SLC6A17: variants seen among roughly 807,000 people sequenced by gnomAD.
SLC6A17 encodes sodium-dependent neutral amino acid transporter SLC6A17.
Under a neutral mutation model 64.5 loss-of-function variants are expected in SLC6A17, and 21 were observed. That is an observed-to-expected ratio of 0.33 (90% CI 0.23 to 0.47). The LOEUF (loss-of-function observed/expected upper bound fraction) is 0.47. Ranked by LOEUF, SLC6A17 falls within the 20% of genes least tolerant of loss-of-function variation. The pLI, the probability that SLC6A17 is intolerant of heterozygous loss-of-function variation, is 1.00. For synonymous variants in SLC6A17, 372 were observed against 399.5 expected (o/e 0.93, Z 0.82); for missense variants, 682 against 963.2 (o/e 0.71, Z 3.86).
At chr1:110,191,646 A>G (rs1272751000) in intron 6 of SLC6A17, among the ~76,000 whole-genome samples, 2 of 152,208 alleles carry the variant, frequency 1.3e-5, no homozygotes, top group Admixed American at 6.5e-5. Flanking sequence ...CTACATGACC[A>G]TATGTGATGG....
rs1265178811 is a variant in SLC6A17 at position 110,198,348 on chromosome 1, G to A, written c.2088G>A (p.Gly696=). The change falls in exon 12 of 12, where the codon GGG becomes GGA. Residue 696 remains glycine, a synonymous_variant. Coordinates refer to ENST00000331565, the MANE Select transcript of SLC6A17 (RefSeq NM_001010898.4). The part of the protein sequence containing the change: ...SPMPTHRSYL[G]PGSTSPLETS... ...TGCCCACTCACCGTTCCTATCTGGG[G>A]CCCGGCAGCACATCACCCCTGGAGA... 1.9e-6 allele frequency: 3 copies of A among 1,614,010 alleles called. No individual in the cohort carries two copies. Among genetic ancestry groups the A allele is most frequent in the Non-Finnish European group, 2.5e-6 (3 of 1,180,024 alleles).
intron 3 of SLC6A17, 111 bp downstream of exon 3, chr1:110,172,328 AG>A: frequency 7.5e-7 from 1 of 1,326,474 alleles, no homozygotes; most frequent in Non-Finnish European, 1.0e-6. Flanking sequence ...GGACAAGGGC[AG>A]GGAGGGGGAT....
At chr1:110,197,713 G>A (rs1657008971) in intron 11 of SLC6A17, 114 bp downstream of exon 11, 1 of 1,253,498 alleles carries the variant, frequency 8.0e-7, no homozygotes, top group African/African-American at 1.5e-5. Context: ...GGCCTTGCCA[G>A]GTGCCTCACA....
In SLC6A17 at chr1:110,201,514, T is replaced by G. The variant is rs1657127157; in HGVS notation, c.*3070T>G. On this transcript the variant is annotated 3_prime_UTR_variant, in exon 12 of 12. Transcript: ENST00000331565. The stretch of plus-strand genomic sequence containing the variant: ...CCCTCCAGCCCCATCACCAGCTTCT[T>G]GCTCAGGGAGACTTCCGCCCTCCTC... 1 of 152,290 alleles carries G rather than the reference T, an allele frequency of 6.6e-6. No individual in the cohort carries two copies. 9.4% of individuals were successfully genotyped at this position (152,290 alleles called of 1,614,324 possible).
chr1:110,173,894 T>TAATA, intron 3 of SLC6A17, 79 bp from the exon 4 acceptor site: 1 of 1,508,864 alleles, frequency 6.6e-7, no homozygotes, highest in Non-Finnish European at 8.9e-7. Flanking sequence ...GCTGCCGACG[T>TAATA]GCTGGGCCTC....
chr1:110,190,523 G>C (rs1571000324), intron 6 of SLC6A17, among the ~76,000 whole-genome samples: 2 of 152,216 alleles, frequency 1.3e-5, no homozygotes, highest in Non-Finnish European at 2.9e-5. Context: ...GATGATGGCA[G>C]GTGGGCCCTG....
Position 110,198,480 on chromosome 1 carries a change from C to T in SLC6A17, c.*36C>T, listed in dbSNP as rs1657033492. ...AGCCCTGCCCGCCTCTCCCCCCACGCTCAACCTGCCCACTTGTCCAGGCCT... is the reference window on the plus strand; with the variant it reads ...AGCCCTGCCCGCCTCTCCCCCCACGTTCAACCTGCCCACTTGTCCAGGCCT... On this transcript the variant is annotated 3_prime_UTR_variant, in exon 12 of 12. Transcript: ENST00000331565. The T allele has an allele frequency of 4.4e-6, 7 of 1,574,458 alleles. No individual in the cohort carries two copies. The highest frequency in any genetic ancestry group is 1.7e-4 in the Middle Eastern group (1 of 5,772).
rs1204936114 is a variant in SLC6A17 at position 110,200,736 on chromosome 1, G to A, written c.*2292G>A. On this transcript the variant is annotated 3_prime_UTR_variant, in exon 12 of 12. Coordinates refer to ENST00000331565, the MANE Select transcript of SLC6A17 (RefSeq NM_001010898.4). ...AGTGCTCGTTGTAGCCTTTTGCTGT[G>A]TCTTCGCTGTGTGTTAGACGTAGGG... The A allele has an allele frequency of 1.3e-5, 2 of 152,510 alleles. No homozygotes were observed. Among genetic ancestry groups the A allele is most frequent in the African/African-American group, 4.8e-5 (2 of 41,446 alleles). The allele number at this position is 152,510 out of a possible 1,614,324, so 9.4% of individuals were successfully genotyped here. A position where few individuals can be genotyped will look rare whatever the true frequency, so the allele number is the denominator to read the frequency against.
intron 1 of SLC6A17, among the ~76,000 whole-genome samples, chr1:110,154,384 C>A (rs1371759231): frequency 6.6e-6 from 1 of 152,204 alleles, no homozygotes; most frequent in East Asian, 1.9e-4. Context: ...TAAATGCTGA[C>A]AACCTAGGCA....
At chr1:110,162,686 T>G (rs1655946359) in intron 1 of SLC6A17, among the ~76,000 whole-genome samples, 1 of 152,188 alleles carries the variant, frequency 6.6e-6, no homozygotes, top group Non-Finnish European at 1.5e-5. Flanking sequence ...AAGCTCACCT[T>G]TCACCAGCAC....
chr1:110,178,031 C>T (rs1447571618), intron 6 of SLC6A17: 2 of 151,942 alleles, frequency 1.3e-5, no homozygotes, highest in Non-Finnish European at 2.9e-5. Context: ...TGTGGCTGGC[C>T]GTAGGGTTGT....
rs1216073483 is a variant in SLC6A17, at chr1:110,173,837, C to G, written c.445-136C>G. ...AGGGGAGCTCCTCCACGGCCCGCAC[C>G]CTATCCCTCCTTGCCTCTCTTGAGG... is the stretch of plus-strand genomic sequence containing the variant. On this transcript the variant is annotated intron_variant, in intron 3 of 11. Transcript: ENST00000331565. 45 of 1,320,874 alleles carry G rather than the reference C, an allele frequency of 3.4e-5. No individual in the cohort carries two copies. In the Admixed American group the frequency reaches 3.7e-4, roughly 11 times the overall value. The allele number at this position is 1,320,874 out of a possible 1,614,324, so 81.8% of individuals were successfully genotyped here. A position where few individuals can be genotyped will look rare whatever the true frequency, so the allele number is the denominator to read the frequency against.
At chr1:110,176,016 G>T (rs574604103) in intron 5 of SLC6A17, among the ~76,000 whole-genome samples, 2 of 152,302 alleles carry the variant, frequency 1.3e-5, no homozygotes, top group East Asian at 3.9e-4. Flanking sequence ...CATTCTCTTA[G>T]CCTTTACACC....
chr1:110,184,478 A>C (rs2100939809), intron 6 of SLC6A17, among the ~76,000 whole-genome samples: 1 of 152,134 alleles, frequency 6.6e-6, no homozygotes, highest in Non-Finnish European at 1.5e-5. Flanking sequence ...GCATATATAA[A>C]CCCATTTAAA....
chr1:110,195,544 C>T (rs1025310940), intron 9 of SLC6A17, 42 bp from the exon 10 acceptor site: 1 of 1,610,106 alleles, frequency 6.2e-7, no homozygotes, highest in Non-Finnish European at 8.5e-7. Context: ...CCCTGCCCAC[C>T]CTGCACCTTT....
intron 6 of SLC6A17, among the ~76,000 whole-genome samples, chr1:110,183,951 C>T (rs1412265843): frequency 6.6e-6 from 1 of 151,802 alleles, no homozygotes; most frequent in Non-Finnish European, 1.5e-5. Context: ...CACGAAGGGC[C>T]CCCTGGAGGC....
intron 2 of SLC6A17, among the ~76,000 whole-genome samples, chr1:110,167,597 G>T (rs575681829): frequency 6.6e-6 from 1 of 152,162 alleles, no homozygotes; most frequent in African/African-American, 2.4e-5. Flanking sequence ...CACGCTACCT[G>T]ACACGGTAAG....
rs762167364 is a variant in SLC6A17, at chr1:110,200,786, C to T, written c.*2342C>T. On this transcript the variant is annotated 3_prime_UTR_variant, in exon 12 of 12. Transcript: ENST00000331565. ...GCCTAGAGCTCGGGGTGTGTGTGTG[C>T]GTGCTGTGTGTATGGTGTGCACATA... 24 of 152,390 alleles carry T rather than the reference C, an allele frequency of 1.6e-4. No individual in the cohort carries two copies. The highest frequency in any genetic ancestry group is 2.9e-4 in the African/African-American group (12 of 41,358). The allele number at this position is 152,390 out of a possible 1,614,324, so 9.4% of individuals were successfully genotyped here.
In SLC6A17 at chr1:110,172,201, GC is replaced by G; in HGVS notation, c.429del (p.Phe144SerfsTer5). 1 of 1,591,642 alleles carries G rather than the reference GC, an allele frequency of 6.3e-7. No individual in the cohort carries two copies. The highest frequency in any genetic ancestry group is 8.5e-7 in the Non-Finnish European group (1 of 1,169,742). ...HYICPRLGGI[G>X]FSSCIVCLFV... is the part of the protein sequence containing the mutation. ...ATATGTCCCCGCCTGGGGGGCATCG[GC>G]TTCTCCAGCTGCATAGTGAGTCAAG... On this transcript the variant is annotated frameshift_variant, in exon 3 of 12. Transcript: ENST00000331565. LOFTEE classifies it high-confidence loss of function.
Sources: gnomAD v4.1 joint callset for allele counts (sites outside exome capture counted in the v4.1 genomes callset) on GRCh38, gnomAD v4.1.1 for gene constraint, MANE v1.5 for transcripts, NCBI Gene and HGNC (gene_info 2026-07-23, HGNC 2026-07-21) for gene names.